GRIK2: variants seen among roughly 807,000 people sequenced by gnomAD.
GRIK2 encodes the protein glutamate ionotropic receptor kainate type subunit 2, also known as glutamate receptor ionotropic, kainate 2.
GRIK2 carries 32 observed loss-of-function variants against 100.3 expected under a neutral mutation model. That is an observed-to-expected ratio of 0.32 (90% confidence interval 0.24 to 0.43). GRIK2 has a LOEUF of 0.43. GRIK2 is among the 20% of genes least tolerant of loss of function. The pLI, the probability that GRIK2 is intolerant of heterozygous loss-of-function variation, is 1.00. For missense variants in GRIK2, 843 were observed against 1,114.9 expected (o/e 0.76, Z 3.47); for synonymous variants, 417 against 389.4 (o/e 1.07, Z -0.83).
At chr6:101,724,088 G>C (rs1224366720) in intron 7 of GRIK2, among the ~76,000 whole-genome samples, 2 of 122,034 alleles carry the variant, frequency 1.6e-5, no homozygotes, top group Non-Finnish European at 3.3e-5. Context: ...GGTTGTCATA[G>C]GGTAGTAGTT....
At chr6:101,641,097 G>A (rs779343200) in intron 4 of GRIK2, among the ~76,000 whole-genome samples, 5 of 151,946 alleles carry the variant, frequency 3.3e-5, no homozygotes, top group Non-Finnish European at 7.4e-5. Flanking sequence ...TAATATGAAG[G>A]AAGAACAGTC....
chr6:101,524,515 T>C (rs1356971772), intron 2 of GRIK2, among the ~76,000 whole-genome samples: 1 of 152,158 alleles, frequency 6.6e-6, no homozygotes, highest in Non-Finnish European at 1.5e-5. Flanking sequence ...GTTCACTCTC[T>C]GTCTTTCTCC....
intron 2 of GRIK2, among the ~76,000 whole-genome samples, chr6:101,521,572 A>C (rs1774885345): frequency 6.6e-6 from 1 of 151,930 alleles, no homozygotes; most frequent in Non-Finnish European, 1.5e-5. Flanking sequence ...TCAAGATTTA[A>C]AAATTTGTAA....
chr6:101,787,273 C>G (rs1388315585), intron 7 of GRIK2, among the ~76,000 whole-genome samples: 3 of 150,848 alleles, frequency 2.0e-5, no homozygotes, highest in Non-Finnish European at 3.0e-5. Flanking sequence ...TTCAATAATC[C>G]TTTGTATTAT....
intron 2 of GRIK2, among the ~76,000 whole-genome samples, chr6:101,460,907 A>T (rs1771272669): frequency 6.6e-6 from 1 of 152,164 alleles, no homozygotes; most frequent in Admixed American, 6.5e-5. Context: ...AATGAAATTT[A>T]TGTAGGTGGT....
intron 2 of GRIK2, among the ~76,000 whole-genome samples, chr6:101,552,938 A>C (rs564228268): frequency 6.6e-6 from 1 of 152,342 alleles, no homozygotes; most frequent in Non-Finnish European, 1.5e-5. Flanking sequence ...GCAGCTCTGC[A>C]CAATTGTAAT....
chr6:101,905,720 C>A (rs1184065433), intron 12 of GRIK2, among the ~76,000 whole-genome samples: 1 of 151,278 alleles, frequency 6.6e-6, no homozygotes, highest in South Asian at 2.1e-4. Context: ...TTCATCCATG[C>A]ATCAATTTAT....
chr6:101,916,925 T>C (rs1405291924), intron 12 of GRIK2, among the ~76,000 whole-genome samples: 1 of 151,692 alleles, frequency 6.6e-6, no homozygotes, highest in Non-Finnish European at 1.5e-5. Flanking sequence ...CAGGCAAGTC[T>C]GCTTTACAAA....
chr6:101,739,473 C>A (rs564051617), intron 7 of GRIK2, among the ~76,000 whole-genome samples: 1 of 152,110 alleles, frequency 6.6e-6, no homozygotes, highest in African/African-American at 2.4e-5. Context: ...CTTGGGTTCT[C>A]GTTCAGGCTC....
chr6:102,003,289 T>C (rs937175583), intron 14 of GRIK2, among the ~76,000 whole-genome samples: 1 of 151,698 alleles, frequency 6.6e-6, no homozygotes, highest in Non-Finnish European at 1.5e-5. Context: ...TATACATATA[T>C]GTGTGAATAA....
intron 7 of GRIK2, among the ~76,000 whole-genome samples, chr6:101,775,712 G>C (rs1343058830): frequency 3.3e-5 from 5 of 151,428 alleles, no homozygotes; most frequent in African/African-American, 1.2e-4. Flanking sequence ...CATTCTAGCT[G>C]TATGGCAAAG....
At chr6:101,621,534 T>C (rs1430899955) in intron 2 of GRIK2, among the ~76,000 whole-genome samples, 2 of 152,186 alleles carry the variant, frequency 1.3e-5, no homozygotes, top group Admixed American at 6.5e-5. Flanking sequence ...CTTAATTTTA[T>C]AGTATATATC....
intron 13 of GRIK2, among the ~76,000 whole-genome samples, chr6:101,924,940 TC>T (rs1253154396): frequency 6.6e-6 from 1 of 152,182 alleles, no homozygotes; most frequent in African/African-American, 2.4e-5. Context: ...AGTATACTCA[TC>T]TATTTTTTTC....
At chr6:101,687,697 C>T (rs1008638931) in intron 7 of GRIK2, among the ~76,000 whole-genome samples, 1 of 151,768 alleles carries the variant, frequency 6.6e-6, no homozygotes, top group Admixed American at 6.6e-5. Flanking sequence ...TGAGAAAAAT[C>T]ACCTACTAGA....
intron 14 of GRIK2, among the ~76,000 whole-genome samples, chr6:102,027,749 A>C (rs1366955778): frequency 6.6e-6 from 1 of 151,108 alleles, no homozygotes; most frequent in Non-Finnish European, 1.5e-5. Context: ...AAGCAAGTTC[A>C]ATGAGCATAA....
At chr6:101,810,006 A>G (rs1343728243) in intron 9 of GRIK2, among the ~76,000 whole-genome samples, 1 of 151,944 alleles carries the variant, frequency 6.6e-6, no homozygotes, top group Non-Finnish European at 1.5e-5. Flanking sequence ...GTTCCCAAAA[A>G]GTCTTATTTT....
At chr6:101,761,795 T>TCCCTCCCTCCCTC (rs1562365832) in intron 7 of GRIK2, among the ~76,000 whole-genome samples, 1 of 84,720 alleles carries the variant, frequency 1.2e-5, no homozygotes, top group African/African-American at 7.7e-5. Context: ...CTCCCTCCCT[T>TCCCTCCCTCCCTC]CCTTTCTTCC....
At chr6:101,917,586 CTT>C (rs550289967) in intron 12 of GRIK2, among the ~76,000 whole-genome samples, 1 of 144,200 alleles carries the variant, frequency 6.9e-6, no homozygotes. Context: ...TGTCACTTGC[CTT>C]TTTTTTTTTA....
At chr6:101,842,673 A>G (rs1783586663) in intron 10 of GRIK2, among the ~76,000 whole-genome samples, 1 of 152,198 alleles carries the variant, frequency 6.6e-6, no homozygotes, top group South Asian at 2.1e-4. Context: ...TCATTATAGA[A>G]AAAGAACTTT....
Sources: gnomAD v4.1 joint callset for allele counts (sites outside exome capture counted in the v4.1 genomes callset) on GRCh38, gnomAD v4.1.1 for gene constraint, MANE v1.5 for transcripts, NCBI Gene and HGNC (gene_info 2026-07-23, HGNC 2026-07-21) for gene names.